The following SS18 variants were observed in gnomAD, a reference collection of about 807,000 sequenced individuals.
SS18 encodes SS18 subunit of BAF chromatin remodeling complex, also known as protein SSXT.
A neutral mutation model predicts 72.5 loss-of-function variants in SS18; 28 were observed. That is an observed-to-expected ratio of 0.39 (90% CI 0.29 to 0.53). The LOEUF (loss-of-function observed/expected upper bound fraction) is 0.53. Ranked by LOEUF, SS18 falls within the 20% of genes least tolerant of loss-of-function variation. The pLI, the probability that SS18 is intolerant of heterozygous loss-of-function variation, is 0.76. For synonymous variants in SS18, 172 were observed against 164.2 expected, an observed-to-expected ratio of 1.05 and a Z score of -0.37; for missense variants, 518 against 535.3, an observed-to-expected ratio of 0.97 and a Z score of 0.32.
At chr18:26,038,680 A>G (rs750168351) in intron 6 of SS18, 21 bp from the exon 7 acceptor site, 2 of 1,584,162 alleles carry the variant, frequency 1.3e-6, no homozygotes, top group African/African-American at 2.7e-5. Context: ...ACAACCAGTC[A>G]AGATATAAAT....
At chr18:26,090,639 C>G, upstream of SS18, 3 of 1,477,492 alleles carry the variant, frequency 2.0e-6, no homozygotes, top group Non-Finnish European at 2.8e-6. Context: ...GGAGAGACGC[C>G]GGCCTCTCGG....
intron 10 of SS18, among the ~76,000 whole-genome samples, chr18:26,027,473 C>T (rs2053465616): frequency 6.6e-6 from 1 of 151,588 alleles, no homozygotes; most frequent in Admixed American, 6.6e-5. Flanking sequence ...AAGGTGAAAC[C>T]CTGTCTCAAC....
chr18:26,022,817 A>G (rs999983345), intron 10 of SS18, among the ~76,000 whole-genome samples: 6 of 152,228 alleles, frequency 3.9e-5, no homozygotes, highest in African/African-American at 1.4e-4. Flanking sequence ...CTGAGGCAAG[A>G]AACACCCAAA....
At chr18:26,022,269 A>G (rs1347461084) in intron 10 of SS18, among the ~76,000 whole-genome samples, 1 of 152,196 alleles carries the variant, frequency 6.6e-6, no homozygotes, top group African/African-American at 2.4e-5. Context: ...GAGACTCAAC[A>G]GTAATAAAAA....
chr18:26,045,040 A>G (rs2053796083), intron 5 of SS18, among the ~76,000 whole-genome samples: 1 of 152,208 alleles, frequency 6.6e-6, no homozygotes, highest in Non-Finnish European at 1.5e-5. Context: ...TTCAAAATAC[A>G]TGGTAAATAT....
In SS18 at chr18:26,017,682, T is replaced by C. The variant is rs1474031897; in HGVS notation, c.*672A>G. The stretch of plus-strand genomic sequence containing the variant: ...GGAAGGCTTTTAAAAAATGTCTTTT[T>C]ACTCAAAACTGTATCACAGTGCCCT... On this transcript the variant is annotated 3_prime_UTR_variant, in exon 11 of 11. Transcript: ENST00000415083. 4.7e-6 allele frequency: 1 copy of C among 212,456 alleles called. No individual in the cohort carries two copies. The highest frequency in any genetic ancestry group is 7.1e-5 in the East Asian group (1 of 14,080). The allele number at this position is 212,456 out of a possible 1,614,324, so 13.2% of individuals were successfully genotyped here. A position where few individuals can be genotyped will look rare whatever the true frequency, so the allele number is the denominator to read the frequency against.
intron 9 of SS18, among the ~76,000 whole-genome samples, chr18:26,034,289 T>C (rs966754850): frequency 3.9e-5 from 6 of 152,204 alleles, no homozygotes; most frequent in African/African-American, 1.4e-4. Context: ...GAGTCAGTAT[T>C]CATAAGCAGC....
chr18:26,044,802 C>T (rs78034155), intron 5 of SS18, among the ~76,000 whole-genome samples: 7,819 of 152,002 alleles, frequency 0.051, 399 homozygotes, highest in East Asian at 0.15. Context: ...AGATTGGAGA[C>T]TGAGATCAAC....
rs887518406 is a variant in SS18, at chr18:26,017,445, A to G, written c.*909T>C. ...GATATCATTTATAAAATGCTTTGAT[A>G]TTACTTACTAAGTTCCCTGATAACT... is the stretch of plus-strand genomic sequence containing the variant. On this transcript the variant is annotated 3_prime_UTR_variant, in exon 11 of 11. Transcript: ENST00000415083. 2.1e-5 allele frequency: 4 copies of G among 192,796 alleles called. No individual in the cohort carries two copies. The highest frequency in any genetic ancestry group is 3.3e-5 in the Non-Finnish European group (3 of 92,040). The allele number at this position is 192,796 out of a possible 1,614,324, so 11.9% of individuals were successfully genotyped here.
Position 26,018,361 on chromosome 18 carries a change from T to C in SS18, c.1250A>G (p.Gln417Arg). Residue 417 changes from glutamine to arginine, a missense_variant, in exon 11 of 11, where the codon CAG (glutamine) becomes CGG (arginine). By Grantham distance (43) the Gln-to-Arg change is conservative. Coordinates refer to ENST00000415083, the MANE Select transcript of SS18 (RefSeq NM_001007559.3). ...TGGAATGTAAGTACTTTTTCACTGCTGGTAATTTCCATACTGTCCCTAAAA... is the reference window on the plus strand; with the variant it reads ...TGGAATGTAAGTACTTTTTCACTGCCGGTAATTTCCATACTGTCCCTAAAA... ...GYDQGQYGNY[Q>R]Q 2.5e-6 allele frequency: 4 copies of C among 1,601,210 alleles called. No homozygotes were observed. Among genetic ancestry groups the C allele is most frequent in the Non-Finnish European group, 3.4e-6 (4 of 1,168,902 alleles).
Position 26,077,208 on chromosome 18 carries a change from C to A in SS18, c.231+868G>T, listed in dbSNP as rs944589919. 3.9e-5 allele frequency among the ~76,000 whole-genome samples: 6 copies of A among 151,902 alleles called. 1 individual carries two copies. The highest frequency in any genetic ancestry group is 1.4e-4 in the African/African-American group (6 of 41,380). ...GTATCAAGTATACCCATTGATCAAT[C>A]TTAACATTACTAAAAATGGAACAAC... On this transcript the variant is annotated intron_variant, in intron 3 of 10. Coordinates refer to ENST00000415083, the MANE Select transcript of SS18 (RefSeq NM_001007559.3).
intron 3 of SS18, chr18:26,068,130 C>T (rs1186093489): frequency 2.6e-5 from 4 of 152,138 alleles, no homozygotes; most frequent in Non-Finnish European, 5.9e-5. Flanking sequence ...CCGTATCAGT[C>T]CATGGCCTAG....
intron 5 of SS18, among the ~76,000 whole-genome samples, chr18:26,051,640 G>A (rs2053926032): frequency 6.6e-6 from 1 of 151,974 alleles, no homozygotes; most frequent in South Asian, 2.1e-4. Context: ...CTGTTGTTTG[G>A]ACTTTTAATT....
chr18:26,087,535 A>G lies in SS18; in HGVS notation c.112T>C (p.Ser38Pro). 2 of 1,598,080 alleles carry G rather than the reference A, an allele frequency of 1.3e-6. No individual in the cohort carries two copies. The highest frequency in any genetic ancestry group is 1.7e-6 in the Non-Finnish European group (2 of 1,170,096). ...TCTGAGGTCTTTCCTTTATTCTGAG[A>G]GTCCATTATACACTGAATAAGATGG... ...NNHLIQCIMD[S>P]QNKGKTSECS... Residue 38 changes from serine to proline, a missense_variant, in exon 2 of 11, where the codon TCT becomes CCT. Physicochemically the swap from Ser to Pro is moderately conservative, Grantham distance 74 (BLOSUM62 -1). Coordinates refer to ENST00000415083, the MANE Select transcript of SS18 (RefSeq NM_001007559.3).
At chr18:26,042,869 C>T (rs1296873178) in intron 5 of SS18, among the ~76,000 whole-genome samples, 1 of 151,958 alleles carries the variant, frequency 6.6e-6, no homozygotes, top group Non-Finnish European at 1.5e-5. Context: ...TGTAATTTTA[C>T]AAATATTCTA....
At chr18:26,087,887 C>G (rs978262146) in intron 1 of SS18, among the ~76,000 whole-genome samples, 1 of 152,136 alleles carries the variant, frequency 6.6e-6, no homozygotes, top group Non-Finnish European at 1.5e-5. Flanking sequence ...GTATCAGCAG[C>G]TCTCTTGCAT....
chr18:26,027,671 TAAAAAAAAAAAAAAA>T (rs68048813), intron 10 of SS18, among the ~76,000 whole-genome samples: 6 of 27,302 alleles, frequency 2.2e-4, no homozygotes, highest in South Asian at 1.9e-3. Context: ...GAGACTCATC[TAAAAAAAAAAAAAAA>T]AAAAAAAAAA....
chr18:26,090,020 C>T, intron 1 of SS18: 1 of 163,472 alleles, frequency 6.1e-6, no homozygotes, highest in Non-Finnish European at 1.3e-5. Flanking sequence ...AGCTCCCAAA[C>T]TCGGCTGAGT....
intron 3 of SS18, among the ~76,000 whole-genome samples, chr18:26,072,722 A>G (rs1208510687): frequency 6.8e-6 from 1 of 146,936 alleles, no homozygotes; most frequent in Non-Finnish European, 1.5e-5. Context: ...GTGTGAACCC[A>G]AGAGGAGGAG....
Sources: gnomAD v4.1 joint callset for allele counts (sites outside exome capture counted in the v4.1 genomes callset) on GRCh38, gnomAD v4.1.1 for gene constraint, MANE v1.5 for transcripts, NCBI Gene and HGNC (gene_info 2026-07-23, HGNC 2026-07-21) for gene names.